The following CACNA1A variants were observed in gnomAD, a reference collection of about 807,000 sequenced individuals.
CACNA1A encodes the protein calcium voltage-gated channel subunit alpha1 A.
A neutral mutation model predicts 262.4 loss-of-function variants in CACNA1A; 57 were observed. The observed-to-expected ratio is 0.22, with a 90% CI of 0.18 to 0.27. The LOEUF (loss-of-function observed/expected upper bound fraction) is 0.27, where lower values mean the gene tolerates loss of function less well. Among genes scored for constraint, CACNA1A ranks in the 10% least tolerant of loss-of-function variants. CACNA1A has a pLI of 1.00. For synonymous variants in CACNA1A, 1,431 were observed against 1,419.3 expected, an observed-to-expected ratio of 1.01 and a Z score of -0.18; for missense variants, 2,526 against 3,562.8, an observed-to-expected ratio of 0.71 and a Z score of 7.41.
At chr19:13,359,864 G>T in intron 5 of CACNA1A, 65 bp from the exon 6 acceptor site, 1 of 1,083,182 alleles carries the variant, frequency 9.2e-7, no homozygotes, top group Non-Finnish European at 1.3e-6. Flanking sequence ...GAGAAATAGG[G>T]ACCAGTGACT....
chr19:13,380,599 T>C (rs1024921869), intron 3 of CACNA1A, among the ~76,000 whole-genome samples: 1 of 109,784 alleles, frequency 9.1e-6, no homozygotes. Flanking sequence ...TGAGCCAAGA[T>C]CACACCACTG....
At chr19:13,440,025 T>C (rs1297955481) in intron 3 of CACNA1A, among the ~76,000 whole-genome samples, 1 of 152,136 alleles carries the variant, frequency 6.6e-6, no homozygotes, top group Non-Finnish European at 1.5e-5. Context: ...AGTGGCACTA[T>C]CACGGCTCAC....
intron 3 of CACNA1A, among the ~76,000 whole-genome samples, chr19:13,377,208 C>T (rs11671639): frequency 0.46 from 69,611 of 151,344 alleles, 16,405 homozygotes; most frequent in Middle Eastern, 0.57. Context: ...GTGATCCACA[C>T]GCCTCGGCCT....
intron 9 of CACNA1A, 76 bp from the exon 10 acceptor site, chr19:13,330,409 C>A: frequency 1.9e-6 from 2 of 1,055,804 alleles, no homozygotes; most frequent in South Asian, 1.3e-5. Flanking sequence ...CACAGTGTGT[C>A]CTTGGATTTA....
At chr19:13,227,571 A>C (rs779711084) in intron 36 of CACNA1A, 44 bp from the exon 37 acceptor site, 8 of 1,209,218 alleles carry the variant, frequency 6.6e-6, no homozygotes, top group Non-Finnish European at 8.4e-6. Context: ...AAAACAAAAA[A>C]ACAAAACGGG....
intron 17 of CACNA1A, 89 bp from the exon 18 acceptor site, chr19:13,300,745 T>C: frequency 9.6e-7 from 1 of 1,037,478 alleles, no homozygotes; most frequent in East Asian, 2.4e-5. Context: ...GGGGCAACAT[T>C]TGAAATATTT....
chr19:13,363,319 T>TCC (rs1284535517), intron 5 of CACNA1A: 4 of 134,490 alleles, frequency 3.0e-5, no homozygotes, highest in East Asian at 5.9e-4. Context: ...TCATTCTCTC[T>TCC]CTCTCTCTCT....
At chr19:13,479,367 A>C (rs1978971032) in intron 1 of CACNA1A, among the ~76,000 whole-genome samples, 1 of 152,166 alleles carries the variant, frequency 6.6e-6, no homozygotes, top group Admixed American at 6.5e-5. Context: ...AGGAGGGAGA[A>C]GCCATGAGGT....
chr19:13,482,818 CTCTT>C (rs1390305189), intron 1 of CACNA1A, among the ~76,000 whole-genome samples: 1 of 151,852 alleles, frequency 6.6e-6, no homozygotes, highest in Non-Finnish European at 1.5e-5. Flanking sequence ...CTCCCTCTCT[CTCTT>C]TCTCTCCCCC....
intron 22 of CACNA1A, among the ~76,000 whole-genome samples, chr19:13,279,267 C>T (rs894833017): frequency 3.9e-5 from 6 of 152,062 alleles, no homozygotes; most frequent in African/African-American, 1.4e-4. Flanking sequence ...AGATCTTTTT[C>T]ATCTATTTGA....
At chr19:13,292,575 C>G (rs1463650672) in intron 19 of CACNA1A, among the ~76,000 whole-genome samples, 1 of 151,928 alleles carries the variant, frequency 6.6e-6, no homozygotes, top group Non-Finnish European at 1.5e-5. Context: ...GATTGTACCA[C>G]TGTACTCCGG....
At chr19:13,224,809 G>C (rs1232895789) in intron 37 of CACNA1A, 37 bp from the exon 38 acceptor site, 3 of 1,506,828 alleles carry the variant, frequency 2.0e-6, no homozygotes, top group Non-Finnish European at 2.7e-6. Flanking sequence ...TCATTCCCAG[G>C]CATCCCTCCT....
At position 13,318,390 on chromosome 19, in the gene CACNA1A, G is replaced by C. The variant is rs903188576; in HGVS notation, c.1346-1069C>G. Among the ~76,000 whole-genome samples, 21 of 152,298 alleles carry C rather than the reference G, an allele frequency of 1.4e-4. No individual in the cohort carries two copies. In the East Asian group the frequency reaches 3.5e-3, roughly 25 times the overall value. On this transcript the variant is annotated intron_variant, in intron 10 of 46. Transcript: ENST00000360228. ...GAAAAGAGGAAGGTGGTGAAGGCAG[G>C]GAGGTGACAGGCAGATCATGCATGG...
chr19:13,387,931 A>T (rs1016446175), intron 3 of CACNA1A, among the ~76,000 whole-genome samples: 1 of 152,180 alleles, frequency 6.6e-6, no homozygotes, highest in Non-Finnish European at 1.5e-5. Flanking sequence ...CAATAGGAAA[A>T]CAGGCCCAAA....
At chr19:13,264,348 C>T (rs1033060771) in intron 24 of CACNA1A, among the ~76,000 whole-genome samples, 3 of 152,164 alleles carry the variant, frequency 2.0e-5, no homozygotes, top group African/African-American at 7.2e-5. Context: ...TGGGTGCCAT[C>T]CCCCCTCACC....
intron 18 of CACNA1A, among the ~76,000 whole-genome samples, chr19:13,300,029 A>G (rs1218642870): frequency 1.3e-5 from 2 of 152,194 alleles, no homozygotes; most frequent in East Asian, 1.9e-4. Flanking sequence ...GGTGGAGCTC[A>G]GGCGGTAATG....
At chr19:13,331,812 GC>G (rs2058474074) in intron 9 of CACNA1A, among the ~76,000 whole-genome samples, 1 of 144,338 alleles carries the variant, frequency 6.9e-6, no homozygotes, top group Non-Finnish European at 1.5e-5. Context: ...AGGTGCGTGT[GC>G]CCCCACATCT....
At chr19:13,218,209 G>A (rs1011987892) in intron 38 of CACNA1A, among the ~76,000 whole-genome samples, 5 of 151,906 alleles carry the variant, frequency 3.3e-5, no homozygotes, top group African/African-American at 1.2e-4. Context: ...TCCTGCCTCA[G>A]CTTCCCCAGT....
chr19:13,214,679 G>A lies in CACNA1A; in HGVS notation c.5732-71C>T, dbSNP rs2054934595. ...AGCTGGACTCTGGGTCAGCTGCAAA[G>A]CCATAGGCTCCCGAGAACGAGACCC... On this transcript the variant is annotated intron_variant, in intron 38 of 46. Coordinates refer to ENST00000360228, the MANE Select transcript of CACNA1A (RefSeq NM_001127222.2). The surrounding 1 kb of genome is among the most constrained non-coding windows in gnomAD (Gnocchi z 4.1). The A allele has an allele frequency of 8.3e-6, 10 of 1,206,484 alleles. No individual in the cohort carries two copies. The South Asian group carries it at 1.0e-4, about 12-fold the overall frequency. 74.7% of individuals were successfully genotyped at this position (1,206,484 alleles called of 1,614,324 possible).
Sources: allele counts gnomAD v4.1 joint callset (sites outside exome capture counted in the v4.1 genomes callset), GRCh38; gene constraint gnomAD v4.1.1; non-coding constraint Gnocchi (gnomAD v3.1); transcripts MANE v1.5; gene names NCBI Gene and HGNC (gene_info 2026-07-23, HGNC 2026-07-21).